The following GPKOW variants were observed in gnomAD, a reference collection of about 807,000 sequenced individuals.
GPKOW encodes the protein G-patch domain and KOW motifs-containing protein.
For synonymous variants in GPKOW, 167 were observed against 159.1 expected (o/e 1.05, Z -0.37); for missense variants, 359 against 404.7 (o/e 0.89, Z 0.97).
At chrX:49,120,679 CTTGAGA>C (rs2065210329) in intron 3 of GPKOW, among the ~76,000 whole-genome samples, 1 of 102,460 alleles carries the variant, frequency 9.8e-6, no homozygotes, top group African/African-American at 3.6e-5. Context: ...TTTTTTTTTT[CTTGAGA>C]TGAAGTCTTG....
chrX:49,117,455 G>A (rs2065197471), intron 5 of GPKOW, 142 bp downstream of exon 5: 1 of 490,803 alleles, frequency 2.0e-6, no homozygotes, highest in South Asian at 3.2e-5. Context: ...CTGGGTTACT[G>A]AGTGAGGCAG....
intron 4 of GPKOW, among the ~76,000 whole-genome samples, chrX:49,118,976 C>T (rs1345328371): frequency 2.3e-5 from 2 of 86,094 alleles, no homozygotes; most frequent in Non-Finnish European, 4.4e-5. Flanking sequence ...TTTTTTGAGA[C>T]GGAGTCTCAC....
Position 49,117,017 on chromosome X carries a change from G to A in GPKOW, c.913+13C>T. The A allele has an allele frequency of 8.3e-7, 1 of 1,203,992 alleles. No individual in the cohort carries two copies. Among genetic ancestry groups the A allele is most frequent in the East Asian group, 3.0e-5 (1 of 33,730 alleles). ...GTTGCCAACTCCCCTAGCTCTACAA[G>A]AGGCTCACTCACTGAGATCCAAGGT... On this transcript the variant is annotated intron_variant, in intron 6 of 10. Coordinates refer to ENST00000156109, the MANE Select transcript of GPKOW (RefSeq NM_015698.6).
In GPKOW at chrX:49,113,971, A is replaced by G. The variant is rs782001226; in HGVS notation, c.1211-33T>C. ...TAAGGGAGAGGGGAGTGAGGCCCAC[A>G]GCAAGGACCAGCCCAACCAGCGTCC... is the stretch of plus-strand genomic sequence containing the variant. On this transcript the variant is annotated intron_variant, in intron 9 of 10. Transcript: ENST00000156109. 4.0e-6 allele frequency: 4 copies of G among 1,003,338 alleles called. No homozygotes were observed. The African/African-American group carries it at 5.6e-5, about 14-fold the overall frequency. 82.7% of individuals were successfully genotyped at this position (1,003,338 alleles called of 1,213,427 possible).
In GPKOW at chrX:49,115,913, C is replaced by T. The variant is rs1557090165; in HGVS notation, c.1118G>A (p.Gly373Glu). The stretch of plus-strand genomic sequence containing the variant: ...CACCTTGGTGTTGTAATATTGGCCT[C>T]CTTTGTACATGTTGTCCACAAACCG... ...RVRFVDNMYK[G>E]GQYYNTKMII... Residue 373 changes from glycine to glutamate, a missense_variant, in exon 8 of 11, where the codon GGA (glycine) becomes GAA (glutamate). Gly to Glu is a moderately conservative substitution (Grantham distance 98). Transcript: ENST00000156109. The T allele has an allele frequency of 8.3e-7, 1 of 1,211,010 alleles. No individual in the cohort carries two copies. The highest frequency in any genetic ancestry group is 2.2e-5 in the Admixed American group (1 of 45,958).
Position 49,123,631 on chromosome X carries a change from C to A in GPKOW, c.92G>T (p.Arg31Leu). ...FGFTRTSARR[R>L]LADSGDGAGP... ...CGCGCCGTCTCCCGAGTCGGCCAGC[C>A]GCCTCCGTGCGGACGTGCGAGTGAA... The change falls in exon 1 of 11, where the codon CGG becomes CTG. Residue 31 changes from arginine (R) to leucine (L), a missense_variant. Physicochemically the swap from Arg to Leu is moderately radical, Grantham distance 102. Coordinates refer to ENST00000156109, the MANE Select transcript of GPKOW (RefSeq NM_015698.6). The A allele has an allele frequency of 8.3e-7, 1 of 1,209,496 alleles. No homozygotes were observed. The highest frequency in any genetic ancestry group is 1.1e-6 in the Non-Finnish European group (1 of 894,229).
Position 49,118,738 on chromosome X carries a change from C to CAA in GPKOW, c.567-930_567-929dup, listed in dbSNP as rs781915104. On this transcript the variant is annotated intron_variant, in intron 4 of 10. Transcript: ENST00000156109. ...TGGGTGACAGACAGAGACTCCATCT[C>CAA]AAAAAAAAAAAAAAAAAAAAAAAAA... Among the ~76,000 whole-genome samples the CAA allele has an allele frequency of 2.5e-3, 17 of 6,839 alleles. 2 individuals carry two copies. The highest frequency in any genetic ancestry group is 3.8e-3 in the Non-Finnish European group (14 of 3,672). The allele number at this position is 6,839 out of a possible 115,157, so 5.9% of individuals were successfully genotyped here.
chrX:49,121,013 G>C (rs1159268450), intron 3 of GPKOW, among the ~76,000 whole-genome samples: 2 of 111,500 alleles, frequency 1.8e-5, no homozygotes, highest in East Asian at 2.8e-4. Flanking sequence ...TGGAATTTTT[G>C]GTCACCTGAT....
chrX:49,122,402 T>A lies in GPKOW; in HGVS notation c.452A>T (p.Glu151Val), dbSNP rs1557091150. The A allele has an allele frequency of 8.7e-7, 1 of 1,153,229 alleles. No homozygotes were observed. Among genetic ancestry groups the A allele is most frequent in the Admixed American group, 3.0e-5 (1 of 33,117 alleles). Residue 151 changes from glutamate (E) to valine (V), a missense_variant, in exon 3 of 11, where the codon GAG becomes GTG. Glu to Val is a moderately radical substitution (Grantham distance 121). Transcript: ENST00000156109. ...GEGADSEPRA[E>V]TVPEEANYEA... ...GGGGACAAGGGGCCAGCTCACTGTCTCTGCCCGGGGTTCGCTGTCTGCCCC... is the reference window on the plus strand; with the variant it reads ...GGGGACAAGGGGCCAGCTCACTGTCACTGCCCGGGGTTCGCTGTCTGCCCC...
At chrX:49,116,997 C>T (rs782171975) in intron 6 of GPKOW, 33 bp downstream of exon 6, 2 of 1,186,502 alleles carry the variant, frequency 1.7e-6, no homozygotes, top group Admixed American at 2.2e-5. Flanking sequence ...AATGCGTTGC[C>T]AACTCCCCTA....
At chrX:49,119,984 A>G (rs1342668100) in intron 3 of GPKOW, among the ~76,000 whole-genome samples, 170 bp from the exon 4 acceptor site, 6 of 112,171 alleles carry the variant, frequency 5.3e-5, no homozygotes, top group Non-Finnish European at 9.4e-5. Flanking sequence ...CTCCATGTTC[A>G]GTCCTTCAAC....
In GPKOW at chrX:49,116,192, T is replaced by C. The variant is rs1215366207; in HGVS notation, c.1016+29A>G. The C allele has an allele frequency of 3.6e-6, 4 of 1,125,905 alleles. 1 individual carries two copies. The African/African-American group carries it at 7.2e-5, about 20-fold the overall frequency. The allele number at this position is 1,125,905 out of a possible 1,213,427, so 92.8% of individuals were successfully genotyped here. The stretch of plus-strand genomic sequence containing the variant: ...GAGCCTACCCACAGCCCTGCCTTCT[T>C]GACCCCTCCCGCATGCTCAGAGTCC... On this transcript the variant is annotated intron_variant, in intron 7 of 10. Coordinates refer to ENST00000156109, the MANE Select transcript of GPKOW (RefSeq NM_015698.6).
At chrX:49,120,860 C>T (rs1426208629) in intron 3 of GPKOW, among the ~76,000 whole-genome samples, 1 of 109,667 alleles carries the variant, frequency 9.1e-6, no homozygotes, top group Admixed American at 9.8e-5. Context: ...GATGGGGTTT[C>T]GCCATGTTGG....
At chrX:49,120,136 T>C (rs1354529142) in intron 3 of GPKOW, among the ~76,000 whole-genome samples, 1 of 111,403 alleles carries the variant, frequency 9.0e-6, no homozygotes, top group Non-Finnish European at 1.9e-5. Context: ...CCAGAAAACA[T>C]GATATGTCAG....
chrX:49,117,783 C>A lies in GPKOW; in HGVS notation c.594G>T (p.Leu198=). ...NQVVKPRVNS[L]RPKGLGLGAN... ...CACCCAGCCCTAACCCCTTGGGCCT[C>A]AGTGAGTTGACACGGGGCTTCACTA... The change falls in exon 5 of 11, where the codon CTG becomes CTT. Residue 198 remains leucine, a synonymous_variant. Coordinates refer to ENST00000156109, the MANE Select transcript of GPKOW (RefSeq NM_015698.6). 2 of 1,201,562 alleles carry A rather than the reference C, an allele frequency of 1.7e-6. No homozygotes were observed. The highest frequency in any genetic ancestry group is 3.6e-5 in the South Asian group (2 of 56,038).
Position 49,118,920 on chromosome X carries a change from A to G in GPKOW, c.566+785T>C, listed in dbSNP as rs147406222. Among the ~76,000 whole-genome samples, 384 of 100,765 alleles carry G rather than the reference A, an allele frequency of 3.8e-3. 1 individual carries two copies. The highest frequency in any genetic ancestry group is 0.013 in the African/African-American group (361 of 27,805). 87.5% of individuals were successfully genotyped at this position (100,765 alleles called of 115,157 possible). ...CTTTCTTGGGGTCAGGGCCTACTGTATGTGCTTTATGTATATAATTTCTTT... is the reference window on the plus strand; with the variant it reads ...CTTTCTTGGGGTCAGGGCCTACTGTGTGTGCTTTATGTATATAATTTCTTT... On this transcript the variant is annotated intron_variant, in intron 4 of 10. Coordinates refer to ENST00000156109, the MANE Select transcript of GPKOW (RefSeq NM_015698.6).
rs782743284 is a variant in GPKOW, at chrX:49,122,470, G to A, written c.384C>T (p.Leu128=). ...ATCCTTTCTGGATCATGGGGATAGCGAGCGTGGGGTCGACACCCGCATTCT... is the reference window on the plus strand; with the variant it reads ...ATCCTTTCTGGATCATGGGGATAGCAAGCGTGGGGTCGACACCCGCATTCT... The part of the protein sequence containing the change: ...ERENAGVDPT[L]AIPMIQKGCT... The change falls in exon 3 of 11, where the codon CTC becomes CTT. Residue 128 remains leucine (L), a synonymous_variant. Coordinates refer to ENST00000156109, the MANE Select transcript of GPKOW (RefSeq NM_015698.6). 3.3e-6 allele frequency: 4 copies of A among 1,199,421 alleles called. No individual in the cohort carries two copies. Among genetic ancestry groups the A allele is most frequent in the Non-Finnish European group, 4.5e-6 (4 of 890,054 alleles).
Position 49,123,543 on chromosome X carries a change from T to G in GPKOW, c.176+4A>C. On this transcript the variant is annotated splice_donor_region_variant and intron_variant, in intron 1 of 10. Transcript: ENST00000156109. ...TCCAAGGGGTGAAAGACCCGGCGCG[T>G]CACCTCTGCAGCTCCCTCCCTTCCA... The G allele has an allele frequency of 8.4e-7, 1 of 1,190,551 alleles. No individual in the cohort carries two copies. The highest frequency in any genetic ancestry group is 1.1e-6 in the Non-Finnish European group (1 of 885,137).
chrX:49,115,139 TGA>T (rs2065187566), intron 9 of GPKOW, among the ~76,000 whole-genome samples: 1 of 109,652 alleles, frequency 9.1e-6, no homozygotes, highest in African/African-American at 3.3e-5. Context: ...TGCCCTGCAC[TGA>T]GAGCTCAATA....
Sources: allele counts gnomAD v4.1 joint callset (sites outside exome capture counted in the v4.1 genomes callset), GRCh38; gene constraint gnomAD v4.1.1; transcripts MANE v1.5; gene names NCBI Gene and HGNC (gene_info 2026-07-23, HGNC 2026-07-21).